The following BANK1 variants were observed in gnomAD, a reference collection of about 807,000 sequenced individuals.
BANK1 encodes B-cell scaffold protein with ankyrin repeats.
BANK1 carries 95 observed loss-of-function variants against 94.5 expected under a neutral mutation model. That is an observed-to-expected ratio of 1.00 (90% CI 0.85 to 1.19). BANK1 has a LOEUF of 1.19. Ranked by LOEUF, BANK1 falls within the 50% of genes most tolerant of loss-of-function variation. BANK1 has a pLI of 0.00. For missense variants in BANK1, 987 were observed against 932.2 expected (o/e 1.06, Z -0.77); for synonymous variants, 334 against 308.4 (o/e 1.08, Z -0.87).
At chr4:102,044,228 G>A (rs1467838501) in intron 11 of BANK1, among the ~76,000 whole-genome samples, 4 of 151,830 alleles carry the variant, frequency 2.6e-5, no homozygotes, top group Non-Finnish European at 5.9e-5. Context: ...TCCCCTTCCT[G>A]TGTCCATGTG....
intron 7 of BANK1, among the ~76,000 whole-genome samples, chr4:101,936,535 GATACACATACACGT>G (rs1052895053): frequency 1.0e-4 from 15 of 149,766 alleles, no homozygotes; most frequent in African/African-American, 3.4e-4. Flanking sequence ...CATATAAGAT[GATACACATACACGT>G]ATACATATAT....
chr4:101,860,433 A>C (rs949838783), intron 3 of BANK1, among the ~76,000 whole-genome samples: 3 of 146,696 alleles, frequency 2.0e-5, no homozygotes, highest in Non-Finnish European at 4.5e-5. Context: ...TTTTTTTTTT[A>C]TTTTTATTTT....
chr4:101,905,684 A>G (rs1722425082), intron 6 of BANK1, among the ~76,000 whole-genome samples: 2 of 152,118 alleles, frequency 1.3e-5, no homozygotes, highest in African/African-American at 4.8e-5. Flanking sequence ...CTAGCAGAGT[A>G]GCTTTATGCA....
chr4:101,858,306 C>T (rs1727754358), intron 3 of BANK1, among the ~76,000 whole-genome samples: 1 of 152,156 alleles, frequency 6.6e-6, no homozygotes, highest in South Asian at 2.1e-4. Context: ...TGCTAAACTT[C>T]CTGTAATGCA....
intron 11 of BANK1, among the ~76,000 whole-genome samples, chr4:102,056,424 T>G (rs1480883887): frequency 6.6e-6 from 1 of 152,056 alleles, no homozygotes; most frequent in East Asian, 1.9e-4. Context: ...TATACAAACT[T>G]TGGAATATAA....
At chr4:101,974,828 G>T (rs557192863) in intron 7 of BANK1, among the ~76,000 whole-genome samples, 6 of 152,028 alleles carry the variant, frequency 3.9e-5, no homozygotes, top group Admixed American at 1.3e-4. Context: ...ACGGTGGCAG[G>T]TGCCTGTAAT....
rs1166018412 is a variant in BANK1, at chr4:101,986,899, G to GTATATATATATATATATA, written c.1207-34600_1207-34583dup. Among the ~76,000 whole-genome samples the GTATATATATATATATATA allele has an allele frequency of 1.3e-3, 106 of 82,656 alleles. 16 individuals carry two copies. The highest frequency in any genetic ancestry group is 6.0e-3 in the African/African-American group (93 of 15,546). The allele number at this position is 82,656 out of a possible 152,430, so 54.2% of individuals were successfully genotyped here. A position where few individuals can be genotyped will look rare whatever the true frequency, so the allele number is the denominator to read the frequency against. Reference sequence around the variant, plus strand: ...TGTGTGTGTGTGTGTGTGTGTGTGTGTATATATATATATATATATATATAT... The same window carrying GTATATATATATATATATA: ...TGTGTGTGTGTGTGTGTGTGTGTGTGTATATATATATATATATATATATATATATATATATATATATAT... On this transcript the variant is annotated intron_variant, in intron 7 of 16. Transcript: ENST00000322953.
intron 1 of BANK1, among the ~76,000 whole-genome samples, chr4:101,826,073 G>C (rs1442070370): frequency 6.6e-6 from 1 of 151,992 alleles, no homozygotes; most frequent in Non-Finnish European, 1.5e-5. Flanking sequence ...GAGTCAAAAA[G>C]TCAATTCTGT....
intron 13 of BANK1, among the ~76,000 whole-genome samples, chr4:102,067,660 A>G (rs923861585): frequency 4.0e-5 from 6 of 151,892 alleles, no homozygotes; most frequent in African/African-American, 1.2e-4. Flanking sequence ...TATATTATAT[A>G]TATGAATTTT....
chr4:101,831,098 A>C (rs1482979383), intron 2 of BANK1, among the ~76,000 whole-genome samples: 1 of 152,148 alleles, frequency 6.6e-6, no homozygotes, highest in Non-Finnish European at 1.5e-5. Flanking sequence ...CTCATGATGA[A>C]AATGGCACTG....
chr4:101,794,248 GA>G (rs1222757604), intron 1 of BANK1, among the ~76,000 whole-genome samples: 4 of 151,744 alleles, frequency 2.6e-5, no homozygotes, highest in African/African-American at 7.3e-5. Flanking sequence ...AAATATATTT[GA>G]AAAAAATAAG....
intron 7 of BANK1, among the ~76,000 whole-genome samples, chr4:101,951,631 C>T (rs975921281): frequency 9.9e-5 from 15 of 151,798 alleles, no homozygotes; most frequent in South Asian, 2.1e-4. Context: ...ATATATAATG[C>T]GGATGTTTAT....
At chr4:102,054,582 A>G (rs570618545) in intron 11 of BANK1, among the ~76,000 whole-genome samples, 15 of 152,212 alleles carry the variant, frequency 9.9e-5, no homozygotes, top group South Asian at 2.1e-4. Flanking sequence ...CTCCACCTCT[A>G]TCTTCTTAGG....
chr4:102,048,012 A>G lies in BANK1; in HGVS notation c.1969+4105A>G, dbSNP rs183324382. The stretch of plus-strand genomic sequence containing the variant: ...GTCCATATCTTGTTACCTAATTTGC[A>G]TAATCAAGGTCAATTACCTCTAGAT... On this transcript the variant is annotated intron_variant, in intron 11 of 16. Coordinates refer to ENST00000322953, the MANE Select transcript of BANK1 (RefSeq NM_017935.5). 1.7e-4 allele frequency among the ~76,000 whole-genome samples: 26 copies of G among 152,324 alleles called. No homozygotes were observed. The East Asian group carries it at 4.8e-3, about 28-fold the overall frequency.
chr4:101,991,653 T>G (rs566433611), intron 7 of BANK1, among the ~76,000 whole-genome samples: 1 of 152,314 alleles, frequency 6.6e-6, no homozygotes, highest in East Asian at 1.9e-4. Context: ...CCTCATGCCA[T>G]AAGGCCCTGT....
chr4:102,056,969 C>T (rs1000392488), intron 11 of BANK1, among the ~76,000 whole-genome samples: 2 of 152,130 alleles, frequency 1.3e-5, no homozygotes, highest in African/African-American at 2.4e-5. Context: ...CACGCCACTG[C>T]ACTCCAGCCA....
intron 1 of BANK1, among the ~76,000 whole-genome samples, chr4:101,825,314 G>A (rs1363528514): frequency 2.6e-5 from 4 of 152,082 alleles, no homozygotes; most frequent in Non-Finnish European, 4.4e-5. Context: ...TAATTCAAAT[G>A]TATAAAATGA....
At chr4:101,888,126 A>C (rs1427162530) in intron 5 of BANK1, among the ~76,000 whole-genome samples, 1 of 152,216 alleles carries the variant, frequency 6.6e-6, no homozygotes, top group Non-Finnish European at 1.5e-5. Flanking sequence ...TGAAACTTAA[A>C]CAAGCACAGC....
intron 7 of BANK1, among the ~76,000 whole-genome samples, chr4:102,007,132 AT>A (rs1578451154): frequency 7.2e-5 from 4 of 55,616 alleles, no homozygotes; most frequent in East Asian, 3.5e-4. Context: ...TTATATATAT[AT>A]AAAAAATATA....
Sources: gnomAD v4.1 joint callset for allele counts (sites outside exome capture counted in the v4.1 genomes callset) on GRCh38, gnomAD v4.1.1 for gene constraint, MANE v1.5 for transcripts, NCBI Gene and HGNC (gene_info 2026-07-23, HGNC 2026-07-21) for gene names.